MAP3K7: variants seen among roughly 807,000 people sequenced by gnomAD.
MAP3K7 encodes mitogen-activated protein kinase kinase kinase 7, also known as TGF-beta activated kinase 1.
In MAP3K7, 21 loss-of-function variants were observed where a neutral mutation model predicts 84.8. That is an observed-to-expected ratio of 0.25 (90% CI 0.18 to 0.36). The LOEUF (loss-of-function observed/expected upper bound fraction) is 0.36, where lower values mean the gene tolerates loss of function less well. Ranked by LOEUF, MAP3K7 falls within the 10% of genes least tolerant of loss-of-function variation. The pLI is 1.00. For synonymous variants in MAP3K7, 241 were observed against 247.7 expected (o/e 0.97, Z 0.25); for missense variants, 503 against 747.7 (o/e 0.67, Z 3.82).
chr6:90,561,556 G>A lies in MAP3K7; in HGVS notation c.343+66C>T, dbSNP rs34376813. ...TTGTGAAGAATGTTAAACAACTTAG[G>A]GTTTATATTAAAATTTTTCAAATTA... On this transcript the variant is annotated intron_variant, in intron 4 of 16. Coordinates refer to ENST00000369329, the MANE Select transcript of MAP3K7 (RefSeq NM_145331.3). 1,825 of 1,189,338 alleles carry A rather than the reference G, an allele frequency of 1.5e-3. 27 individuals carry two copies. The African/African-American group carries it at 0.025, about 16-fold the overall frequency. The allele number at this position is 1,189,338 out of a possible 1,614,324, so 73.7% of individuals were successfully genotyped here.
At chr6:90,550,225 G>A (rs763068446) in intron 9 of MAP3K7, among the ~76,000 whole-genome samples, 2 of 152,054 alleles carry the variant, frequency 1.3e-5, no homozygotes, top group South Asian at 2.1e-4. Context: ...AATACAATAT[G>A]CCATCTTTTT....
In MAP3K7 at chr6:90,519,333, AT is replaced by A. The variant is rs950714852; in HGVS notation, c.1463-15del. 4 of 1,535,490 alleles carry A rather than the reference AT, an allele frequency of 2.6e-6. No individual in the cohort carries two copies. In the African/African-American group the frequency reaches 5.7e-5, roughly 22 times the overall value. On this transcript the variant is annotated splice_polypyrimidine_tract_variant and intron_variant, in intron 14 of 16. Transcript: ENST00000369329. ...ATCCATTGGTATCTGGAATTCAAGC[AT>A]GTATTTTATTGATTTTCTGTCACAA...
intron 6 of MAP3K7, among the ~76,000 whole-genome samples, chr6:90,553,923 A>C (rs1582205624): frequency 6.6e-6 from 1 of 152,134 alleles, no homozygotes; most frequent in African/African-American, 2.4e-5. Flanking sequence ...ACATCTGTAC[A>C]TTCCTTTATG....
At chr6:90,527,864 G>A (rs1775373692) in intron 13 of MAP3K7, among the ~76,000 whole-genome samples, 1 of 64,336 alleles carries the variant, frequency 1.6e-5, no homozygotes, top group African/African-American at 7.5e-5. Flanking sequence ...GTTTCATAAG[G>A]ACTTTTTTTT....
At chr6:90,532,905 A>G (rs1386488550) in intron 13 of MAP3K7, among the ~76,000 whole-genome samples, 2 of 152,252 alleles carry the variant, frequency 1.3e-5, no homozygotes, top group Non-Finnish European at 2.9e-5. Flanking sequence ...TAGGGCTATA[A>G]CAGCATGCAT....
intron 4 of MAP3K7, 76 bp from the exon 5 acceptor site, chr6:90,560,290 CA>C: frequency 6.8e-7 from 1 of 1,465,242 alleles, no homozygotes; most frequent in Non-Finnish European, 9.5e-7. Context: ...CAAGCACTAT[CA>C]GAACACATGA....
intron 11 of MAP3K7, among the ~76,000 whole-genome samples, chr6:90,546,109 A>T (rs1365424126): frequency 6.6e-6 from 1 of 152,180 alleles, no homozygotes; most frequent in Admixed American, 6.5e-5. Flanking sequence ...TTATATGTGA[A>T]AAATAATGCT....
intron 10 of MAP3K7, 119 bp from the exon 11 acceptor site, chr6:90,547,506 G>T: frequency 8.9e-7 from 1 of 1,128,360 alleles, no homozygotes; most frequent in Non-Finnish European, 1.3e-6. Flanking sequence ...TGCTCTGAAA[G>T]GAGAGGGAAG....
rs1776145119 is a variant in MAP3K7 at position 90,550,485 on chromosome 6, T to C, written c.932A>G (p.Asn311Ser). ...CCATTTACCTGTACTGGTGGCAGAG[T>C]TGCTCTGTCCTTCATCTGAATACTG... is the stretch of plus-strand genomic sequence containing the variant. ...PCQYSDEGQS[N>S]SATSTGSFMD... is the part of the protein sequence containing the mutation. The change falls in exon 9 of 17, where the codon AAC becomes AGC. Residue 311 changes from asparagine (N) to serine (S), a missense_variant. Asn to Ser is a conservative substitution (Grantham distance 46, BLOSUM62 1). This residue lies in a region of MAP3K7 where 286 missense variants were observed against 313.6 expected (regional missense o/e 0.91). Transcript: ENST00000369329. The C allele has an allele frequency of 1.2e-6, 2 of 1,610,150 alleles. No individual in the cohort carries two copies. The highest frequency in any genetic ancestry group is 1.7e-6 in the Non-Finnish European group (2 of 1,177,088).
chr6:90,560,770 T>C (rs894591102), intron 4 of MAP3K7, among the ~76,000 whole-genome samples: 16 of 152,286 alleles, frequency 1.1e-4, no homozygotes, highest in African/African-American at 3.9e-4. Context: ...ATTCCTACAT[T>C]GAAGTAAAAT....
intron 1 of MAP3K7, among the ~76,000 whole-genome samples, chr6:90,584,050 A>AT (rs897803540): frequency 1.3e-5 from 2 of 151,980 alleles, no homozygotes; most frequent in South Asian, 2.1e-4. Context: ...TTGAATTATT[A>AT]TTTTTTTTAC....
intron 13 of MAP3K7, among the ~76,000 whole-genome samples, chr6:90,525,080 T>C (rs1457023741): frequency 6.6e-6 from 1 of 151,922 alleles, no homozygotes; most frequent in African/African-American, 2.4e-5. Context: ...ACAATAAATG[T>C]AAATGAATTA....
chr6:90,540,605 A>C (rs1775824945), intron 12 of MAP3K7, among the ~76,000 whole-genome samples: 1 of 151,962 alleles, frequency 6.6e-6, no homozygotes, highest in East Asian at 1.9e-4. Flanking sequence ...ATAGGTGGTA[A>C]GTATATATGT....
At chr6:90,561,512 T>C (rs932613718) in intron 4 of MAP3K7, 110 bp downstream of exon 4, 7 of 721,266 alleles carry the variant, frequency 9.7e-6, no homozygotes, top group Admixed American at 7.5e-5. Context: ...TTATGCCCTT[T>C]TGGGACTCTG....
intron 1 of MAP3K7, among the ~76,000 whole-genome samples, chr6:90,580,519 C>T (rs1777235088): frequency 2.0e-5 from 3 of 152,184 alleles, no homozygotes; most frequent in African/African-American, 7.2e-5. Context: ...CAGGGTCTCA[C>T]TATGTTGCCC....
intron 11 of MAP3K7, 100 bp from the exon 12 acceptor site, chr6:90,544,732 G>T: frequency 3.2e-6 from 3 of 945,936 alleles, no homozygotes; most frequent in Non-Finnish European, 5.1e-6. Context: ...AATAGTTCAT[G>T]TTAATAACAT....
At chr6:90,552,638 G>A (rs184904054) in intron 7 of MAP3K7, among the ~76,000 whole-genome samples, 1 of 152,280 alleles carries the variant, frequency 6.6e-6, no homozygotes, top group African/African-American at 2.4e-5. Flanking sequence ...GCATAGAAAT[G>A]AAATAACTAA....
chr6:90,527,014 A>T (rs1775343137), intron 13 of MAP3K7, among the ~76,000 whole-genome samples: 1 of 152,194 alleles, frequency 6.6e-6, no homozygotes, highest in Non-Finnish European at 1.5e-5. Flanking sequence ...TATATTAGCA[A>T]ATATAATGTG....
Position 90,564,034 on chromosome 6 carries a change from T to A in MAP3K7, c.298-2367A>T, listed in dbSNP as rs1288021355. Among the ~76,000 whole-genome samples, 3 of 152,162 alleles carry A rather than the reference T, an allele frequency of 2.0e-5. 1 individual carries two copies. The highest frequency in any genetic ancestry group is 2.0e-4 in the Admixed American group (3 of 15,272). On this transcript the variant is annotated intron_variant, in intron 3 of 16. Coordinates refer to ENST00000369329, the MANE Select transcript of MAP3K7 (RefSeq NM_145331.3). The stretch of plus-strand genomic sequence containing the variant: ...AACAAATGCTGACAGATTTTGTCAC[T>A]ACCAGGCCTGCTGAACAAGAGCTCC...
Sources: gnomAD v4.1 joint callset for allele counts (sites outside exome capture counted in the v4.1 genomes callset) on GRCh38, gnomAD v4.1.1 for gene constraint, gnomAD v4.1.1 regional missense constraint, MANE v1.5 for transcripts, NCBI Gene and HGNC (gene_info 2026-07-23, HGNC 2026-07-21) for gene names.